Variants in BABAM2 observed in about 807,000 individuals in gnomAD.
BABAM2 encodes BRISC and BRCA1-A complex member 2.
Under a neutral mutation model 54.7 loss-of-function variants are expected in BABAM2, and 31 were observed. The ratio of observed to expected loss-of-function variants is 0.57; its 90% confidence interval spans 0.43 to 0.77. The LOEUF is 0.77. Ranked by LOEUF, BABAM2 falls within the 30% of genes least tolerant of loss-of-function variation. BABAM2 has a pLI of 0.00. For missense variants in BABAM2, 364 were observed against 455.8 expected, an observed-to-expected ratio of 0.80 and a Z score of 1.83; for synonymous variants, 167 against 162.9, an observed-to-expected ratio of 1.03 and a Z score of -0.19.
chr2:28,127,241 G>T (rs1357718659), intron 6 of BABAM2, among the ~76,000 whole-genome samples: 1 of 152,170 alleles, frequency 6.6e-6, no homozygotes, highest in Non-Finnish European at 1.5e-5. Context: ...AAACGGAAAG[G>T]GAAGTGGCCA....
chr2:28,086,386 A>G (rs1665641431), intron 6 of BABAM2, among the ~76,000 whole-genome samples: 1 of 152,208 alleles, frequency 6.6e-6, no homozygotes, highest in Admixed American at 6.5e-5. Context: ...TTTATTCACC[A>G]CAATGAATTA....
At chr2:28,217,318 C>T (rs529913524) in intron 7 of BABAM2, among the ~76,000 whole-genome samples, 1 of 152,274 alleles carries the variant, frequency 6.6e-6, no homozygotes, top group African/African-American at 2.4e-5. Flanking sequence ...GTGGATATGG[C>T]TGGGCAGAAA....
intron 11 of BABAM2, among the ~76,000 whole-genome samples, chr2:28,305,082 A>AGGACC (rs2148260855): frequency 6.6e-6 from 1 of 152,330 alleles, no homozygotes; most frequent in Non-Finnish European, 1.5e-5. Context: ...TGCACTGAAT[A>AGGACC]GGACCTCCAG....
At chr2:28,124,783 T>C (rs1669364178) in intron 6 of BABAM2, among the ~76,000 whole-genome samples, 1 of 152,156 alleles carries the variant, frequency 6.6e-6, no homozygotes, top group Non-Finnish European at 1.5e-5. Flanking sequence ...TCATGCCACC[T>C]AAAAATATAT....
intron 4 of BABAM2, among the ~76,000 whole-genome samples, chr2:28,016,647 C>T (rs889211282): frequency 9.9e-5 from 15 of 152,210 alleles, no homozygotes; most frequent in Admixed American, 9.2e-4. Flanking sequence ...TAGCAACAAT[C>T]TCATCAGACT....
At chr2:28,211,541 C>T (rs1297495428) in intron 7 of BABAM2, among the ~76,000 whole-genome samples, 1 of 151,930 alleles carries the variant, frequency 6.6e-6, no homozygotes, top group Non-Finnish European at 1.5e-5. Context: ...GCATCTGCCA[C>T]CACGCCCAGC....
chr2:28,065,521 C>T (rs1157474965), intron 6 of BABAM2, among the ~76,000 whole-genome samples: 1 of 152,104 alleles, frequency 6.6e-6, no homozygotes, highest in African/African-American at 2.4e-5. Context: ...CATCCATCCA[C>T]ACACACACAG....
intron 7 of BABAM2, among the ~76,000 whole-genome samples, chr2:28,199,934 A>G (rs1163829334): frequency 6.6e-6 from 1 of 152,240 alleles, no homozygotes; most frequent in Non-Finnish European, 1.5e-5. Context: ...ATTTTATAAA[A>G]TAAATATTAG....
Position 27,890,766 on chromosome 2 carries a change from T to A in BABAM2, c.-101T>A, listed in dbSNP as rs1013545667. 1 of 152,412 alleles carries A rather than the reference T, an allele frequency of 6.6e-6. No homozygotes were observed. The highest frequency in any genetic ancestry group is 1.5e-5 in the Non-Finnish European group (1 of 68,158). The allele number at this position is 152,412 out of a possible 1,614,324, so 9.4% of individuals were successfully genotyped here. A position where few individuals can be genotyped will look rare whatever the true frequency, so the allele number is the denominator to read the frequency against. ...ATCCTGCCCGCGGCGCGCGCGCAGG[T>A]CGGTGCGTCTGTCGGGGGCGCGCTC... On this transcript the variant is annotated 5_prime_UTR_variant, in exon 1 of 12. Coordinates refer to ENST00000379624, the MANE Select transcript of BABAM2 (RefSeq NM_199191.3). This position sits in a 1 kb window ranked among gnomAD's most constrained non-coding sequence, Gnocchi z 4.8.
rs566073090 is a variant in BABAM2 at position 27,965,219 on chromosome 2, T to C, written c.206-22774T>C. On this transcript the variant is annotated intron_variant, in intron 3 of 11. Transcript: ENST00000379624. The stretch of plus-strand genomic sequence containing the variant: ...CCTTCATTATAAGGTTTTTTCCAAC[T>C]CTGTAAGTATGCTGAATGAAAATTA... Among the ~76,000 whole-genome samples, 7 of 152,310 alleles carry C rather than the reference T, an allele frequency of 4.6e-5. No homozygotes were observed. In the East Asian group the frequency reaches 7.7e-4, roughly 17 times the overall value.
At chr2:27,893,658 A>C (rs1280736881) in intron 1 of BABAM2, among the ~76,000 whole-genome samples, 2 of 152,228 alleles carry the variant, frequency 1.3e-5, no homozygotes, top group Admixed American at 6.5e-5. Flanking sequence ...TCACGTAAGC[A>C]GGTAGTTATA....
intron 7 of BABAM2, among the ~76,000 whole-genome samples, chr2:28,132,851 T>C (rs1413068391): frequency 6.6e-6 from 1 of 152,236 alleles, no homozygotes; most frequent in Non-Finnish European, 1.5e-5. Context: ...AAGCTACTTA[T>C]TGAGTTGAGG....
intron 6 of BABAM2, among the ~76,000 whole-genome samples, chr2:28,077,603 T>G (rs1174754968): frequency 6.6e-6 from 1 of 152,190 alleles, no homozygotes; most frequent in African/African-American, 2.4e-5. Flanking sequence ...AACTATCTTC[T>G]GTTTTGAAGA....
At chr2:28,234,279 C>G (rs1681700385) in intron 7 of BABAM2, among the ~76,000 whole-genome samples, 1 of 152,056 alleles carries the variant, frequency 6.6e-6, no homozygotes, top group Non-Finnish European at 1.5e-5. Flanking sequence ...GATAAAGCAC[C>G]TAGCAACATG....
At chr2:28,253,314 A>G (rs1474561240) in intron 10 of BABAM2, among the ~76,000 whole-genome samples, 1 of 151,892 alleles carries the variant, frequency 6.6e-6, no homozygotes, top group Non-Finnish European at 1.5e-5. Flanking sequence ...AGGCATGAGA[A>G]TTGCTTGAAC....
intron 7 of BABAM2, among the ~76,000 whole-genome samples, chr2:28,146,608 G>T (rs189612615): frequency 1.5e-4 from 23 of 152,282 alleles, no homozygotes; most frequent in Admixed American, 1.2e-3. Context: ...AAATATGAAA[G>T]GATGTACCAT....
intron 10 of BABAM2, among the ~76,000 whole-genome samples, chr2:28,292,570 T>C (rs1687373483): frequency 6.6e-6 from 1 of 152,150 alleles, no homozygotes; most frequent in South Asian, 2.1e-4. Context: ...AGCTGGGTAG[T>C]TCAGGGATGA....
At chr2:28,038,705 A>G (rs1276341504) in intron 5 of BABAM2, among the ~76,000 whole-genome samples, 1 of 152,142 alleles carries the variant, frequency 6.6e-6, no homozygotes, top group Non-Finnish European at 1.5e-5. Flanking sequence ...GCTGCAGAGG[A>G]CATGATTTTG....
At chr2:27,949,940 A>G (rs1558612159) in intron 3 of BABAM2, among the ~76,000 whole-genome samples, 1 of 152,106 alleles carries the variant, frequency 6.6e-6, no homozygotes, top group Non-Finnish European at 1.5e-5. Flanking sequence ...TAAAAATTAT[A>G]TGTGTGCACA....
Sources: gnomAD v4.1 joint callset for allele counts (sites outside exome capture counted in the v4.1 genomes callset) on GRCh38, gnomAD v4.1.1 for gene constraint, Gnocchi (gnomAD v3.1) non-coding constraint, MANE v1.5 for transcripts, NCBI Gene and HGNC (gene_info 2026-07-23, HGNC 2026-07-21) for gene names.